The following SLC15A4 variants were observed in gnomAD, a reference collection of about 807,000 sequenced individuals.
SLC15A4 encodes hPHT1.
SLC15A4 carries 26 observed loss-of-function variants against 46.1 expected under a neutral mutation model. The observed-to-expected ratio is 0.56, with a 90% CI of 0.41 to 0.78. The LOEUF is 0.78. Among genes scored for constraint, SLC15A4 ranks in the 30% least tolerant of loss-of-function variants. SLC15A4 has a pLI of 0.00. For missense variants in SLC15A4, 751 were observed against 755.7 expected (o/e 0.99, Z 0.07); for synonymous variants, 370 against 333.4 (o/e 1.11, Z -1.20).
intron 1 of SLC15A4, 100 bp downstream of exon 1, chr12:128,823,298 C>T (rs2135728200): frequency 8.6e-7 from 1 of 1,165,470 alleles, no homozygotes; most frequent in Non-Finnish European, 1.1e-6. Flanking sequence ...GGGCAAGGGG[C>T]TCCCTCCGCG....
intron 5 of SLC15A4, among the ~76,000 whole-genome samples, chr12:128,804,713 G>C (rs1284158771): frequency 6.6e-6 from 1 of 152,194 alleles, no homozygotes; most frequent in Non-Finnish European, 1.5e-5. Context: ...CTGGGTGATG[G>C]GAGGGAGACC....
In SLC15A4 at chr12:128,823,417, G is replaced by A. The variant is rs1315102020; in HGVS notation, c.527C>T (p.Thr176Met). Residue 176 changes from threonine to methionine, a missense_variant, in exon 1 of 8, where the codon ACG (threonine) becomes ATG (methionine). Coordinates refer to ENST00000266771, the MANE Select transcript of SLC15A4 (RefSeq NM_145648.4). ...GCTCACCTGGTCGGCGCCGAAGGGC[G>A]TGATGTTGGCCTTGACGGTGGCCAC... is the stretch of plus-strand genomic sequence containing the variant. ...LGVATVKANI[T>M]PFGADQVKDR... is the part of the protein sequence containing the mutation. 9 of 1,451,632 alleles carry A rather than the reference G, an allele frequency of 6.2e-6. No homozygotes were observed. The highest frequency in any genetic ancestry group is 3.0e-5 in the African/African-American group (2 of 67,428). The allele number at this position is 1,451,632 out of a possible 1,614,324, so 89.9% of individuals were successfully genotyped here.
Position 128,823,728 on chromosome 12 carries a change from C to T in SLC15A4, c.216G>A (p.Ala72=), listed in dbSNP as rs1395421275. The part of the protein sequence containing the change: ...LNGAPFCWEG[A]QASEALLLFM... ...AGAGCAGCAGCGCCTCGCTGGCCTG[C>T]GCGCCCTCCCAGCAGAACGGCGCCC... Residue 72 remains alanine (A), a synonymous_variant, in exon 1 of 8, where the codon GCG becomes GCA. Transcript: ENST00000266771. 3.9e-6 allele frequency: 6 copies of T among 1,538,802 alleles called. No individual in the cohort carries two copies. The highest frequency in any genetic ancestry group is 2.6e-5 in the East Asian group (1 of 39,054).
At chr12:128,823,324 T>C in intron 1 of SLC15A4, 74 bp downstream of exon 1, 1 of 1,291,204 alleles carries the variant, frequency 7.7e-7, no homozygotes. Context: ...AGGCAGGGAC[T>C]GGGGCAGGGG....
At chr12:128,801,208 T>C (rs948987460) in intron 5 of SLC15A4, 199 bp from the exon 6 acceptor site, 29 of 486,268 alleles carry the variant, frequency 6.0e-5, no homozygotes, top group African/African-American at 1.6e-4. Context: ...GGTCATGGCA[T>C]AGCACACCTA....
chr12:128,806,996 C>T (rs571294276), intron 5 of SLC15A4, among the ~76,000 whole-genome samples: 3 of 151,348 alleles, frequency 2.0e-5, no homozygotes, highest in South Asian at 2.1e-4. Context: ...CTCCACCTCC[C>T]GGTTCAAGCG....
chr12:128,794,080 G>C lies in SLC15A4; in HGVS notation c.*116C>G. ...AAGAAGAAATCAATCCAGGCAACAT[G>C]CAAGTTTCAGTGAAGTCAGACATTT... On this transcript the variant is annotated 3_prime_UTR_variant, in exon 8 of 8. Coordinates refer to ENST00000266771, the MANE Select transcript of SLC15A4 (RefSeq NM_145648.4). 9.6e-7 allele frequency: 1 copy of C among 1,045,716 alleles called. No individual in the cohort carries two copies. The highest frequency in any genetic ancestry group is 1.4e-6 in the Non-Finnish European group (1 of 719,402). The allele number at this position is 1,045,716 out of a possible 1,614,324, so 64.8% of individuals were successfully genotyped here. A position where few individuals can be genotyped will look rare whatever the true frequency, so the allele number is the denominator to read the frequency against.
intron 2 of SLC15A4, among the ~76,000 whole-genome samples, chr12:128,810,832 T>C (rs1955648013): frequency 6.6e-6 from 1 of 152,042 alleles, no homozygotes; most frequent in Non-Finnish European, 1.5e-5. Context: ...CAGGGCCCTA[T>C]TGCACAGAGG....
intron 7 of SLC15A4, among the ~76,000 whole-genome samples, chr12:128,797,847 A>G (rs1342301910): frequency 6.6e-6 from 1 of 152,142 alleles, no homozygotes; most frequent in African/African-American, 2.4e-5. Flanking sequence ...ATGAGCTCCA[A>G]CTCTCCTTAC....
At chr12:128,821,958 A>C (rs1014195957) in intron 1 of SLC15A4, among the ~76,000 whole-genome samples, 1 of 152,132 alleles carries the variant, frequency 6.6e-6, no homozygotes, top group Non-Finnish European at 1.5e-5. Flanking sequence ...AGAAAATAAG[A>C]AGCAGACCTG....
intron 6 of SLC15A4, 104 bp downstream of exon 6, chr12:128,800,750 G>A (rs1955508514): frequency 8.4e-7 from 1 of 1,196,944 alleles, no homozygotes; most frequent in South Asian, 1.6e-5. Flanking sequence ...CTACAGAAGT[G>A]CTGTGCTATC....
chr12:128,807,624 C>T (rs1356689524), intron 5 of SLC15A4, among the ~76,000 whole-genome samples: 2 of 152,208 alleles, frequency 1.3e-5, no homozygotes, highest in Non-Finnish European at 2.9e-5. Flanking sequence ...TGCAGACAGC[C>T]CTTCTGCAGG....
intron 7 of SLC15A4, among the ~76,000 whole-genome samples, chr12:128,795,644 C>T (rs1383610489): frequency 6.6e-6 from 1 of 152,262 alleles, no homozygotes; most frequent in African/African-American, 2.4e-5. Flanking sequence ...ACTCTGCAAA[C>T]TGGCAGTCTC....
At chr12:128,807,855 T>C (rs1191512002) in intron 5 of SLC15A4, among the ~76,000 whole-genome samples, 1 of 152,208 alleles carries the variant, frequency 6.6e-6, no homozygotes, top group Non-Finnish European at 1.5e-5. Context: ...AGAACAGAGA[T>C]TTCTTAAGCC....
intron 7 of SLC15A4, among the ~76,000 whole-genome samples, chr12:128,798,972 C>T (rs1199195414): frequency 6.6e-6 from 1 of 152,210 alleles, no homozygotes; most frequent in Non-Finnish European, 1.5e-5. Context: ...TCAAGGACGT[C>T]CCCGTAAGGA....
rs745980672 is a variant in SLC15A4 at position 128,815,137 on chromosome 12, G to A, written c.547-67C>T. 3.5e-6 allele frequency: 5 copies of A among 1,419,334 alleles called. No individual in the cohort carries two copies. The East Asian group carries it at 6.9e-5, about 20-fold the overall frequency. The allele number at this position is 1,419,334 out of a possible 1,614,324, so 87.9% of individuals were successfully genotyped here. ...GTCTTCAAGGATGAAAACCATATAC[G>A]GTCAAGTGGTTAAAATTACCGTTGT... On this transcript the variant is annotated intron_variant, in intron 1 of 7. Transcript: ENST00000266771.
chr12:128,822,112 A>T (rs1232177167), intron 1 of SLC15A4, among the ~76,000 whole-genome samples: 1 of 152,034 alleles, frequency 6.6e-6, no homozygotes, highest in East Asian at 1.9e-4. Context: ...ACTTTTTTTT[A>T]TATTTTCTGA....
intron 7 of SLC15A4, among the ~76,000 whole-genome samples, chr12:128,797,904 G>A (rs1955465784): frequency 6.6e-6 from 1 of 152,214 alleles, no homozygotes; most frequent in Non-Finnish European, 1.5e-5. Flanking sequence ...GCACAGCCTG[G>A]GGGCTGCTGG....
At chr12:128,823,332 G>C in intron 1 of SLC15A4, 66 bp downstream of exon 1, 1 of 1,312,326 alleles carries the variant, frequency 7.6e-7, no homozygotes, top group Non-Finnish European at 9.8e-7. Flanking sequence ...ACTGGGGCAG[G>C]GGAAGAGGCT....
Sources: gnomAD v4.1 joint callset for allele counts (sites outside exome capture counted in the v4.1 genomes callset) on GRCh38, gnomAD v4.1.1 for gene constraint, MANE v1.5 for transcripts, NCBI Gene and HGNC (gene_info 2026-07-23, HGNC 2026-07-21) for gene names.